SS18: variants seen among roughly 807,000 people sequenced by gnomAD.
The protein encoded by SS18 is protein SSXT.
A neutral mutation model predicts 72.5 loss-of-function variants in SS18; 28 were observed. The ratio of observed to expected loss-of-function variants is 0.39; its 90% CI spans 0.29 to 0.53. SS18 has a LOEUF of 0.53. Among genes scored for constraint, SS18 ranks in the 20% least tolerant of loss-of-function variants. SS18 has a pLI of 0.76. For missense variants in SS18, 518 were observed against 535.3 expected (o/e 0.97, Z 0.32); for synonymous variants, 172 against 164.2 (o/e 1.05, Z -0.37).
At chr18:26,021,575 G>A (rs1244346185) in intron 10 of SS18, among the ~76,000 whole-genome samples, 1 of 152,132 alleles carries the variant, frequency 6.6e-6, no homozygotes, top group African/African-American at 2.4e-5. Context: ...ATTTTAATGG[G>A]AAAGAAGACA....
chr18:26,032,885 AAG>A (rs1293864849), intron 9 of SS18, among the ~76,000 whole-genome samples: 1 of 152,202 alleles, frequency 6.6e-6, no homozygotes. Flanking sequence ...CAAGAGGAAA[AAG>A]AGAAAGCAAG....
intron 3 of SS18, among the ~76,000 whole-genome samples, chr18:26,067,712 G>A (rs909146561): frequency 7.2e-5 from 11 of 152,252 alleles, no homozygotes; most frequent in East Asian, 3.9e-4. Context: ...GACGAGCTGC[G>A]CAGCCAGAGA....
chr18:26,030,845 C>T (rs2053531474), intron 10 of SS18, among the ~76,000 whole-genome samples: 1 of 151,178 alleles, frequency 6.6e-6, no homozygotes, highest in African/African-American at 2.4e-5. Flanking sequence ...AAAGGAAAAC[C>T]AATAAAAACA....
rs1000039381 is a variant in SS18 at position 26,075,892 on chromosome 18, T to C, written c.231+2184A>G. Among the ~76,000 whole-genome samples, 3 of 151,912 alleles carry C rather than the reference T, an allele frequency of 2.0e-5. 1 individual carries two copies. The highest frequency in any genetic ancestry group is 4.8e-5 in the African/African-American group (2 of 41,434). On this transcript the variant is annotated intron_variant, in intron 3 of 10. Transcript: ENST00000415083. ...AACAAGAATGTGAGATTCAAATTAA[T>C]TGCATTTCCATGTAAACAGCAAATG...
chr18:26,089,156 G>A (rs2054669011), intron 1 of SS18, among the ~76,000 whole-genome samples: 1 of 152,076 alleles, frequency 6.6e-6, no homozygotes, highest in Non-Finnish European at 1.5e-5. Context: ...TAATTGATCA[G>A]CATCCTCCGA....
chr18:26,089,538 A>G (rs73403600), intron 1 of SS18, among the ~76,000 whole-genome samples: 1,535 of 152,348 alleles, frequency 0.01, 25 homozygotes, highest in African/African-American at 0.034. Context: ...GCTACACAGC[A>G]TAAAACAAAA....
At chr18:26,072,792 G>A (rs139754503) in intron 3 of SS18, among the ~76,000 whole-genome samples, 11,135 of 91,544 alleles carry the variant, frequency 0.12, 707 homozygotes, top group African/African-American at 0.28. Context: ...GCGAGACTCC[G>A]TCTCAAAAAA....
chr18:26,027,267 T>A (rs919868963), intron 10 of SS18, among the ~76,000 whole-genome samples: 16 of 152,078 alleles, frequency 1.1e-4, no homozygotes, highest in African/African-American at 3.9e-4. Flanking sequence ...CATAAACAGA[T>A]CAATGGAACA....
intron 2 of SS18, chr18:26,082,605 G>T: frequency 1.4e-6 from 1 of 706,866 alleles, no homozygotes; most frequent in Non-Finnish European, 1.7e-6. Context: ...ACATCACAGT[G>T]AATCAGTAAC....
At chr18:26,085,422 G>T (rs79528274) in intron 2 of SS18, among the ~76,000 whole-genome samples, 2,323 of 152,262 alleles carry the variant, frequency 0.015, 63 homozygotes, top group African/African-American at 0.053. Context: ...TGCTCACAGG[G>T]GTAGCTGAAA....
chr18:26,029,384 T>C (rs2053505425), intron 10 of SS18, among the ~76,000 whole-genome samples: 1 of 152,178 alleles, frequency 6.6e-6, no homozygotes. Flanking sequence ...GAGTATCTTG[T>C]AGAGGAGGCA....
At chr18:26,058,091 A>G (rs1490834904) in intron 3 of SS18, among the ~76,000 whole-genome samples, 2 of 152,236 alleles carry the variant, frequency 1.3e-5, no homozygotes, top group Non-Finnish European at 2.9e-5. Context: ...CTTATTAATG[A>G]TGGATTTTAC....
chr18:26,084,779 A>C (rs1436775363), intron 2 of SS18, among the ~76,000 whole-genome samples: 1 of 152,192 alleles, frequency 6.6e-6, no homozygotes, highest in Admixed American at 6.5e-5. Context: ...GAATATTTTT[A>C]AAAGACCCCC....
At chr18:26,037,727 T>C (rs1040957184) in intron 7 of SS18, among the ~76,000 whole-genome samples, 3 of 152,132 alleles carry the variant, frequency 2.0e-5, no homozygotes. Context: ...TATACATGAA[T>C]AAGGCTTTTG....
intron 1 of SS18, chr18:26,090,022 C>CAG (rs2054689679): frequency 1.2e-5 from 2 of 163,618 alleles, no homozygotes; most frequent in Admixed American, 6.5e-5. Context: ...CTCCCAAACT[C>CAG]GGCTGAGTTT....
At chr18:26,036,177 A>G (rs574992379) in intron 7 of SS18, among the ~76,000 whole-genome samples, 2 of 138,796 alleles carry the variant, frequency 1.4e-5, no homozygotes, top group South Asian at 4.2e-4. Flanking sequence ...GATAATCCTC[A>G]TTGAGGGAAA....
intron 10 of SS18, among the ~76,000 whole-genome samples, chr18:26,018,952 T>TA (rs1162129070): frequency 2.4e-4 from 37 of 152,296 alleles, no homozygotes; most frequent in African/African-American, 8.7e-4. Flanking sequence ...CACAGGGACA[T>TA]AAAATCAAGG....
intron 3 of SS18, among the ~76,000 whole-genome samples, chr18:26,063,070 TC>T (rs1405225538): frequency 6.6e-6 from 1 of 152,246 alleles, no homozygotes; most frequent in Non-Finnish European, 1.5e-5. Context: ...TACACATTGT[TC>T]TCAAGTACTC....
At chr18:26,078,247 G>A in intron 2 of SS18, 87 bp from the exon 3 acceptor site, 1 of 936,920 alleles carries the variant, frequency 1.1e-6, no homozygotes, top group Non-Finnish European at 1.6e-6. Context: ...CATTTCTAAA[G>A]TTTCATTAAA....
Sources: gnomAD v4.1 joint callset for allele counts (sites outside exome capture counted in the v4.1 genomes callset) on GRCh38, gnomAD v4.1.1 for gene constraint, MANE v1.5 for transcripts, NCBI Gene and HGNC (gene_info 2026-07-23, HGNC 2026-07-21) for gene names.